Variants in PACRG observed in about 807,000 individuals in gnomAD.
PACRG encodes parkin coregulated gene protein.
A neutral mutation model predicts 29.7 loss-of-function variants in PACRG; 29 were observed. The observed-to-expected ratio is 0.98, with a 90% CI of 0.73 to 1.33. The LOEUF (loss-of-function observed/expected upper bound fraction) is 1.33, where lower values mean the gene tolerates loss of function less well. PACRG is among the 40% of genes most tolerant of loss of function. The probability of loss-of-function intolerance (pLI) is 0.00; values close to 1 mark genes in which losing one functional copy is unlikely to be tolerated. For synonymous variants in PACRG, 116 were observed against 118.7 expected, an observed-to-expected ratio of 0.98 and a Z score of 0.15; for missense variants, 279 against 316.2, an observed-to-expected ratio of 0.88 and a Z score of 0.89.
intron 2 of PACRG, among the ~76,000 whole-genome samples, chr6:162,938,258 C>T (rs1223987239): frequency 6.6e-6 from 1 of 152,156 alleles, no homozygotes; most frequent in Non-Finnish European, 1.5e-5. Flanking sequence ...GAATAGTATT[C>T]CATTGTAAAT....
rs1554279394 is a variant in PACRG at position 162,788,157 on chromosome 6, A to AC, written c.157-25985dup. Among the ~76,000 whole-genome samples, 278 of 151,988 alleles carry AC rather than the reference A, an allele frequency of 1.8e-3. 1 individual carries two copies. The highest frequency in any genetic ancestry group is 9.5e-3 in the East Asian group (49 of 5,142). ...TTGAGTGCCATAAAATACTTCCGTGACCCCCTATTTATTTCTCCCTCCTCT... is the reference window on the plus strand; with the variant it reads ...TTGAGTGCCATAAAATACTTCCGTGACCCCCCTATTTATTTCTCCCTCCTCT... On this transcript the variant is annotated intron_variant, in intron 1 of 4. Coordinates refer to ENST00000366888, the MANE Select transcript of PACRG (RefSeq NM_001080379.2).
At chr6:163,246,936 A>G (rs899051093) in intron 4 of PACRG, among the ~76,000 whole-genome samples, 1 of 152,252 alleles carries the variant, frequency 6.6e-6, no homozygotes, top group Non-Finnish European at 1.5e-5. Flanking sequence ...TAAAATTCTA[A>G]GTGAAGGTCA....
intron 4 of PACRG, among the ~76,000 whole-genome samples, chr6:163,148,747 G>A (rs1432206635): frequency 2.0e-5 from 3 of 151,984 alleles, no homozygotes; most frequent in South Asian, 2.1e-4. Context: ...TGGAGCATGC[G>A]AGAACATACA....
chr6:162,947,799 A>G (rs1799355491), intron 2 of PACRG, among the ~76,000 whole-genome samples: 1 of 150,316 alleles, frequency 6.7e-6, no homozygotes, highest in African/African-American at 2.4e-5. Context: ...TCCATTTACA[A>G]TAGCTACAAA....
chr6:163,046,264 T>C, intron 2 of PACRG, among the ~76,000 whole-genome samples: 1 of 151,152 alleles, frequency 6.6e-6, no homozygotes, highest in Admixed American at 6.6e-5. Context: ...AATGAAACAT[T>C]TTCCTGACTC....
chr6:163,234,532 T>C (rs926863591), intron 4 of PACRG, among the ~76,000 whole-genome samples: 18 of 152,280 alleles, frequency 1.2e-4, no homozygotes, highest in Admixed American at 3.9e-4. Flanking sequence ...TGAGCCAAGA[T>C]AAACCTCTTT....
chr6:162,815,862 TA>T (rs563543038), intron 2 of PACRG, among the ~76,000 whole-genome samples: 22 of 152,216 alleles, frequency 1.4e-4, no homozygotes, highest in Non-Finnish European at 2.6e-4. Context: ...TCCTGTTGAG[TA>T]AAATAATATG....
intron 4 of PACRG, among the ~76,000 whole-genome samples, chr6:163,142,274 C>T (rs907649449): frequency 2.6e-5 from 4 of 152,030 alleles, no homozygotes; most frequent in African/African-American, 9.7e-5. Context: ...AAACCAGGTT[C>T]TTTGAAATAG....
chr6:163,183,952 A>C (rs893182903), intron 4 of PACRG, among the ~76,000 whole-genome samples: 17 of 152,146 alleles, frequency 1.1e-4, no homozygotes, highest in Non-Finnish European at 2.4e-4. Flanking sequence ...GAAGCTCATC[A>C]CTCTAATGGG....
chr6:162,750,799 C>G (rs747706111), intron 1 of PACRG, among the ~76,000 whole-genome samples: 1 of 152,134 alleles, frequency 6.6e-6, no homozygotes, highest in Non-Finnish European at 1.5e-5. Flanking sequence ...GTATTATGTG[C>G]TCAGATGGTA....
At chr6:162,945,285 C>T (rs1167883874) in intron 2 of PACRG, among the ~76,000 whole-genome samples, 2 of 151,920 alleles carry the variant, frequency 1.3e-5, no homozygotes, top group African/African-American at 4.8e-5. Flanking sequence ...TGTAAAGACA[C>T]ATATAGACTG....
chr6:163,101,754 G>A (rs1466731689), intron 4 of PACRG, among the ~76,000 whole-genome samples: 1 of 152,112 alleles, frequency 6.6e-6, no homozygotes, highest in East Asian at 1.9e-4. Flanking sequence ...GGAACATGAG[G>A]CCTTCCTGCT....
intron 2 of PACRG, among the ~76,000 whole-genome samples, chr6:162,981,384 G>GTA (rs1331301131): frequency 6.6e-6 from 1 of 150,802 alleles, no homozygotes; most frequent in Non-Finnish European, 1.5e-5. Context: ...ATATATATAT[G>GTA]TATATATACA....
At chr6:162,989,795 A>T (rs1331057260) in intron 2 of PACRG, among the ~76,000 whole-genome samples, 1 of 146,134 alleles carries the variant, frequency 6.8e-6, no homozygotes, top group Non-Finnish European at 1.5e-5. Flanking sequence ...TGTGCAGGTT[A>T]GTTACATATG....
intron 4 of PACRG, among the ~76,000 whole-genome samples, chr6:163,196,951 A>AT (rs1780482527): frequency 6.6e-6 from 1 of 151,898 alleles, no homozygotes; most frequent in Admixed American, 6.6e-5. Flanking sequence ...AGATAGATAG[A>AT]TAGATAGATA....
intron 2 of PACRG, among the ~76,000 whole-genome samples, chr6:162,896,961 C>T (rs1795215715): frequency 6.6e-6 from 1 of 152,156 alleles, no homozygotes; most frequent in African/African-American, 2.4e-5. Flanking sequence ...CATACGAACC[C>T]ATTGGGAAAA....
chr6:163,212,875 T>C (rs922702480), intron 4 of PACRG, among the ~76,000 whole-genome samples: 8 of 151,670 alleles, frequency 5.3e-5, no homozygotes, highest in Non-Finnish European at 1.2e-4. Context: ...GCCTCCCAGG[T>C]TCATGCCATT....
At chr6:163,268,234 A>T (rs574666944) in intron 4 of PACRG, among the ~76,000 whole-genome samples, 16 of 152,080 alleles carry the variant, frequency 1.1e-4, no homozygotes, top group Admixed American at 2.6e-4. Context: ...CCCCATCTCT[A>T]CTAAAAATAC....
intron 2 of PACRG, among the ~76,000 whole-genome samples, chr6:162,924,425 T>C (rs577690980): frequency 6.6e-6 from 1 of 152,256 alleles, no homozygotes; most frequent in South Asian, 2.1e-4. Context: ...CAGTACTCTA[T>C]TGAATAGAGT....
Sources: allele counts gnomAD v4.1 joint callset (sites outside exome capture counted in the v4.1 genomes callset), GRCh38; gene constraint gnomAD v4.1.1; transcripts MANE v1.5; gene names NCBI Gene and HGNC (gene_info 2026-07-23, HGNC 2026-07-21).